Variants in EYA1 observed in about 807,000 individuals in gnomAD.
EYA1 encodes the protein protein phosphatase EYA1.
A neutral mutation model predicts 82.0 loss-of-function variants in EYA1; 16 were observed. That is an observed-to-expected ratio of 0.20 (90% CI 0.13 to 0.30). The LOEUF is 0.30. Among genes scored for constraint, EYA1 ranks in the 10% least tolerant of loss-of-function variants. The pLI is 1.00. For synonymous variants in EYA1, 261 were observed against 264.4 expected (o/e 0.99, Z 0.12); for missense variants, 633 against 730.7 (o/e 0.87, Z 1.54).
rs1827439783 is a variant in EYA1 at position 71,362,050 on chromosome 8, A to G, written c.-458T>C. 2.0e-6 allele frequency: 2 copies of G among 985,226 alleles called. No individual in the cohort carries two copies. Among genetic ancestry groups the G allele is most frequent in the Non-Finnish European group, 2.4e-6 (2 of 829,928 alleles). 61.0% of individuals were successfully genotyped at this position (985,226 alleles called of 1,614,324 possible). A position where few individuals can be genotyped will look rare whatever the true frequency, so the allele number is the denominator to read the frequency against. On this transcript the variant is annotated 5_prime_UTR_variant, in exon 1 of 18. Coordinates refer to ENST00000340726, the MANE Select transcript of EYA1 (RefSeq NM_000503.6). ...CAGCGCTCCTTCCCCACCAAACAGC[A>G]GCGGCAGATAGCATCTGAGAACCCT...
intron 2 of EYA1, among the ~76,000 whole-genome samples, chr8:71,397,428 A>G (rs1586629557): frequency 6.6e-6 from 1 of 152,226 alleles, no homozygotes; most frequent in African/African-American, 2.4e-5. Context: ...GGCTGGTACT[A>G]GTTGTTCCTT....
chr8:71,216,731 C>T lies in EYA1; in HGVS notation c.1321G>A (p.Val441Ile). The change falls in exon 14 of 18, where the codon GTA (valine) becomes ATA (isoleucine). Residue 441 changes from valine (V) to isoleucine (I), a missense_variant. Transcript: ENST00000340726. The part of the protein sequence containing the change: ...MRKLAFRYRR[V>I]KEIYNTYKNN... The stretch of plus-strand genomic sequence containing the variant: ...TTGTAGGTGTTGTAGATCTCTTTTA[C>T]CCGTCTGTAGCGGAAGGCCAACTTT... The T allele has an allele frequency of 6.2e-7, 1 of 1,613,158 alleles. No homozygotes were observed. Among genetic ancestry groups the T allele is most frequent in the African/African-American group, 1.3e-5 (1 of 74,672 alleles).
intron 16 of EYA1, among the ~76,000 whole-genome samples, chr8:71,212,734 C>T (rs1231307504): frequency 6.6e-6 from 1 of 152,156 alleles, no homozygotes; most frequent in African/African-American, 2.4e-5. Context: ...CATAGCTCTG[C>T]CAACTGAGAT....
At chr8:71,474,038 G>T (rs552886670) in intron 2 of EYA1, among the ~76,000 whole-genome samples, 1 of 151,960 alleles carries the variant, frequency 6.6e-6, no homozygotes, top group Non-Finnish European at 1.5e-5. Context: ...ATCACATACC[G>T]GGGCCTGTTA....
chr8:71,478,678 A>T (rs1649356734), intron 2 of EYA1, among the ~76,000 whole-genome samples: 1 of 152,138 alleles, frequency 6.6e-6, no homozygotes, highest in South Asian at 2.1e-4. Flanking sequence ...GTTATTGTTC[A>T]CTGATCTAGA....
intron 1 of EYA1, among the ~76,000 whole-genome samples, chr8:71,541,160 C>T (rs1018751715): frequency 1.3e-5 from 2 of 152,128 alleles, no homozygotes; most frequent in African/African-American, 2.4e-5. Context: ...GACTCAGAAA[C>T]CATATACTCA....
intron 4 of EYA1, among the ~76,000 whole-genome samples, chr8:71,332,187 T>C (rs544853744): frequency 1.3e-5 from 2 of 152,256 alleles, no homozygotes; most frequent in East Asian, 1.9e-4. Context: ...CTGTTTTCAT[T>C]TGATCCTCTG....
intron 2 of EYA1, among the ~76,000 whole-genome samples, chr8:71,420,789 A>T (rs1321558344): frequency 6.6e-6 from 1 of 152,186 alleles, no homozygotes; most frequent in African/African-American, 2.4e-5. Flanking sequence ...TTATGAATTA[A>T]TATGAATGGT....
At chr8:71,348,465 G>A (rs907619143) in intron 3 of EYA1, among the ~76,000 whole-genome samples, 1 of 152,208 alleles carries the variant, frequency 6.6e-6, no homozygotes, top group African/African-American at 2.4e-5. Context: ...GCGGAGAGAT[G>A]CCACAGAACT....
chr8:71,431,001 C>T (rs1805580781), intron 2 of EYA1, among the ~76,000 whole-genome samples: 1 of 151,862 alleles, frequency 6.6e-6, no homozygotes, highest in South Asian at 2.1e-4. Context: ...GGTAGACACC[C>T]AAAACTTTCT....
In EYA1 at chr8:71,213,339, C is replaced by T. The variant is rs1218438225; in HGVS notation, c.1597+2048G>A. The stretch of plus-strand genomic sequence containing the variant: ...TCTTTCTGAGAACCTAAGCTCTACC[C>T]GCTTCTGTACTATGGGCTGCTTCGG... On this transcript the variant is annotated intron_variant, in intron 16 of 17. Transcript: ENST00000340726. Among the ~76,000 whole-genome samples the T allele has an allele frequency of 3.9e-5, 6 of 152,178 alleles. No homozygotes were observed. The East Asian group carries it at 5.8e-4, about 15-fold the overall frequency.
Position 71,401,128 on chromosome 8 carries a change from C to A in EYA1, c.34-44617G>T, listed in dbSNP as rs935937359. 3.0e-4 allele frequency among the ~76,000 whole-genome samples: 45 copies of A among 152,030 alleles called. 1 individual carries two copies. Among genetic ancestry groups the A allele is most frequent in the Non-Finnish European group, 1.0e-4 (7 of 67,982 alleles). On this transcript the variant is annotated intron_variant, in intron 2 of 18. Coordinates refer to the EYA1 transcript ENST00000643681. ...AGGGAGGGGAACGAACACACTGGGG[C>A]TTCTCAGGAGGGTGGTGGGAGGGAG...
chr8:71,474,784 T>A (rs1249647690), intron 2 of EYA1, among the ~76,000 whole-genome samples: 1 of 152,188 alleles, frequency 6.6e-6, no homozygotes, highest in Non-Finnish European at 1.5e-5. Flanking sequence ...AGGGGACTGG[T>A]AAAATAAATT....
At chr8:71,222,098 A>G (rs746660525) in intron 12 of EYA1, among the ~76,000 whole-genome samples, 9 of 152,234 alleles carry the variant, frequency 5.9e-5, no homozygotes, top group Non-Finnish European at 8.8e-5. Flanking sequence ...TTTTTCAGAA[A>G]ACTTCCACTC....
chr8:71,387,101 T>G (rs1829008647), intron 2 of EYA1, among the ~76,000 whole-genome samples: 1 of 152,156 alleles, frequency 6.6e-6, no homozygotes. Context: ...GCAACTGGAA[T>G]GTGTGATGCG....
chr8:71,260,835 T>A (rs1815010770), intron 11 of EYA1, among the ~76,000 whole-genome samples: 1 of 152,170 alleles, frequency 6.6e-6, no homozygotes. Context: ...TCTTGTTAAG[T>A]ATGCTCAAAT....
Position 71,417,666 on chromosome 8 carries a change from C to A in EYA1, c.34-61155G>T, listed in dbSNP as rs72655715. ...GCTACTGGCATCTAATGGGTAGACA[C>A]AAGGGTTCCTGCTGAACACTGAACC... is the stretch of plus-strand genomic sequence containing the variant. On this transcript the variant is annotated intron_variant, in intron 2 of 18. Coordinates refer to the EYA1 transcript ENST00000643681. Among the ~76,000 whole-genome samples, 1,200 of 152,232 alleles carry A rather than the reference C, an allele frequency of 7.9e-3. 4 individuals carry two copies. Among genetic ancestry groups the A allele is most frequent in the Middle Eastern group, 0.02 (6 of 294 alleles).
At chr8:71,412,056 A>G (rs1167919494) in intron 2 of EYA1, among the ~76,000 whole-genome samples, 1 of 151,056 alleles carries the variant, frequency 6.6e-6, no homozygotes, top group Admixed American at 6.6e-5. Context: ...GCCATAAAAA[A>G]TGATGAGTTC....
intron 9 of EYA1, among the ~76,000 whole-genome samples, chr8:71,275,879 GTGC>G (rs2128959273): frequency 6.6e-6 from 1 of 152,324 alleles, no homozygotes; most frequent in East Asian, 1.9e-4. Flanking sequence ...CTCTGCAGCT[GTGC>G]TGACCACTTG....
Sources: allele counts gnomAD v4.1 joint callset (sites outside exome capture counted in the v4.1 genomes callset), GRCh38; gene constraint gnomAD v4.1.1; transcripts MANE v1.5; gene names NCBI Gene and HGNC (gene_info 2026-07-23, HGNC 2026-07-21).